SOCS6: variants seen among roughly 807,000 people sequenced by gnomAD.
The protein encoded by SOCS6 is suppressor of cytokine signaling 6.
In SOCS6, 5 loss-of-function variants were observed where a neutral mutation model predicts 27.7. The ratio of observed to expected loss-of-function variants is 0.18; its 90% CI spans 0.09 to 0.38. The LOEUF (loss-of-function observed/expected upper bound fraction) is 0.38, where lower values mean the gene tolerates loss of function less well. SOCS6 is among the 10% of genes least tolerant of loss of function. The pLI is 1.00. For missense variants in SOCS6, 595 were observed against 688.1 expected (o/e 0.86, Z 1.51); for synonymous variants, 271 against 260.0 (o/e 1.04, Z -0.41).
At chr18:70,300,250 C>T (rs1329575506) in intron 1 of SOCS6, among the ~76,000 whole-genome samples, 1 of 152,068 alleles carries the variant, frequency 6.6e-6, no homozygotes, top group Non-Finnish European at 1.5e-5. Context: ...CCTCAGACTC[C>T]CAAGTAGCTG....
At position 70,300,002 on chromosome 18, in the gene SOCS6, G is replaced by A. The variant is rs1250379516; in HGVS notation, c.-127+10912G>A. On this transcript the variant is annotated intron_variant, in intron 1 of 1. Coordinates refer to ENST00000397942, the MANE Select transcript of SOCS6 (RefSeq NM_004232.4). ...CTGGAGCCAATCCCCCATGAATACC[G>A]AGGGATGACCGTATACGTATAAAGA... Among the ~76,000 whole-genome samples, 5 of 152,142 alleles carry A rather than the reference G, an allele frequency of 3.3e-5. No homozygotes were observed. The East Asian group carries it at 5.8e-4, about 18-fold the overall frequency.
chr18:70,309,232 GTTTT>G (rs1050574014), intron 1 of SOCS6, among the ~76,000 whole-genome samples: 4 of 151,550 alleles, frequency 2.6e-5, no homozygotes, highest in African/African-American at 4.8e-5. Context: ...TCACTTTTTT[GTTTT>G]TTTATCATTA....
chr18:70,323,188 CT>C (rs1385306939), intron 1 of SOCS6, among the ~76,000 whole-genome samples: 2 of 152,142 alleles, frequency 1.3e-5, no homozygotes, highest in Non-Finnish European at 2.9e-5. Context: ...TTGTTCTGGG[CT>C]TTATTAGCAT....
chr18:70,318,483 A>G (rs557989190), intron 1 of SOCS6, among the ~76,000 whole-genome samples: 1 of 152,228 alleles, frequency 6.6e-6, no homozygotes, highest in Non-Finnish European at 1.5e-5. Flanking sequence ...AGCTGGTAGC[A>G]TAAGAAAATC....
chr18:70,314,820 G>A (rs913353641), intron 1 of SOCS6, among the ~76,000 whole-genome samples: 9 of 151,432 alleles, frequency 5.9e-5, no homozygotes, highest in Admixed American at 2.0e-4. Context: ...TGATGTCCTC[G>A]TTGCTGGCTT....
chr18:70,307,018 T>A (rs2062372363), intron 1 of SOCS6, among the ~76,000 whole-genome samples: 1 of 152,192 alleles, frequency 6.6e-6, no homozygotes, highest in Admixed American at 6.5e-5. Context: ...ATCCCAACAC[T>A]TTGGGAGGTC....
At chr18:70,322,218 AT>A (rs1341471318) in intron 1 of SOCS6, among the ~76,000 whole-genome samples, 4 of 152,246 alleles carry the variant, frequency 2.6e-5, no homozygotes, top group Non-Finnish European at 5.9e-5. Context: ...CACGAGACAG[AT>A]GGTAATCCTA....
At chr18:70,302,093 A>G (rs1373261108) in intron 1 of SOCS6, among the ~76,000 whole-genome samples, 3 of 152,146 alleles carry the variant, frequency 2.0e-5, no homozygotes, top group Non-Finnish European at 4.4e-5. Context: ...GTTTGTTTAT[A>G]TATGAGAAAT....
intron 1 of SOCS6, among the ~76,000 whole-genome samples, chr18:70,290,532 G>A (rs1005558959): frequency 1.1e-4 from 16 of 152,112 alleles, no homozygotes; most frequent in African/African-American, 3.9e-4. Flanking sequence ...TTTTGTGCAC[G>A]CGTGGATATG....
At chr18:70,305,111 G>T (rs573236152) in intron 1 of SOCS6, among the ~76,000 whole-genome samples, 1 of 93,874 alleles carries the variant, frequency 1.1e-5, no homozygotes, top group Admixed American at 1.2e-4. Flanking sequence ...GGAGGCCGAC[G>T]CAGGAGAATT....
At chr18:70,304,576 A>G (rs2062361383) in intron 1 of SOCS6, among the ~76,000 whole-genome samples, 1 of 152,126 alleles carries the variant, frequency 6.6e-6, no homozygotes. Context: ...CTTATTAGCC[A>G]TTTGTGTGTT....
intron 1 of SOCS6, among the ~76,000 whole-genome samples, chr18:70,317,941 C>T (rs1600164590): frequency 6.6e-6 from 1 of 152,256 alleles, no homozygotes; most frequent in Middle Eastern, 3.4e-3. Context: ...GCAACCTCTG[C>T]CTCCAGGGTT....
At chr18:70,307,065 C>T (rs865857517) in intron 1 of SOCS6, among the ~76,000 whole-genome samples, 1 of 152,168 alleles carries the variant, frequency 6.6e-6, no homozygotes, top group Admixed American at 6.5e-5. Context: ...GAGTTCTAGA[C>T]AAGCTTGGGC....
At chr18:70,311,429 C>T (rs976326017) in intron 1 of SOCS6, among the ~76,000 whole-genome samples, 9 of 152,124 alleles carry the variant, frequency 5.9e-5, no homozygotes, top group South Asian at 2.1e-4. Context: ...GAGAGCATCA[C>T]GGACCTGCTT....
chr18:70,311,631 C>G (rs981083716), intron 1 of SOCS6, among the ~76,000 whole-genome samples: 6 of 152,128 alleles, frequency 3.9e-5, no homozygotes, highest in African/African-American at 1.4e-4. Flanking sequence ...TTTTACTGTT[C>G]ACTAGAGATG....
At chr18:70,298,015 G>A (rs1682581567) in intron 1 of SOCS6, among the ~76,000 whole-genome samples, 1 of 152,152 alleles carries the variant, frequency 6.6e-6, no homozygotes, top group Non-Finnish European at 1.5e-5. Context: ...GAGCTTTTGT[G>A]TTGATCTGAA....
At chr18:70,295,954 G>A (rs532314587) in intron 1 of SOCS6, among the ~76,000 whole-genome samples, 5 of 152,318 alleles carry the variant, frequency 3.3e-5, no homozygotes, top group Non-Finnish European at 5.9e-5. Flanking sequence ...CTTCCTGGAG[G>A]ATGTTACAGT....
At chr18:70,314,631 A>T (rs369013067) in intron 1 of SOCS6, among the ~76,000 whole-genome samples, 6 of 152,176 alleles carry the variant, frequency 3.9e-5, no homozygotes, top group Non-Finnish European at 8.8e-5. Context: ...CTCAGTGACA[A>T]AATCACCTAA....
chr18:70,311,659 A>G (rs1263175989), intron 1 of SOCS6, among the ~76,000 whole-genome samples: 2 of 152,188 alleles, frequency 1.3e-5, no homozygotes, highest in African/African-American at 2.4e-5. Context: ...TGTTACTTGT[A>G]TATATTTTGA....
Sources: gnomAD v4.1 joint callset for allele counts (sites outside exome capture counted in the v4.1 genomes callset) on GRCh38, gnomAD v4.1.1 for gene constraint, MANE v1.5 for transcripts, NCBI Gene and HGNC (gene_info 2026-07-23, HGNC 2026-07-21) for gene names.